The following PIGK variants were observed in gnomAD, a reference collection of about 807,000 sequenced individuals.
PIGK encodes the protein GPI-anchor transamidase.
In PIGK, 42 loss-of-function variants were observed where a neutral mutation model predicts 50.6. That is an observed-to-expected ratio of 0.83 (90% CI 0.65 to 1.07). The LOEUF (loss-of-function observed/expected upper bound fraction) is 1.07, where lower values mean the gene tolerates loss of function less well. Among genes scored for constraint, PIGK ranks in the 50% least tolerant of loss-of-function variants. The pLI is 0.00. For missense variants in PIGK, 448 were observed against 488.7 expected (o/e 0.92, Z 0.78); for synonymous variants, 151 against 156.0 (o/e 0.97, Z 0.24).
intron 10 of PIGK, among the ~76,000 whole-genome samples, chr1:77,099,654 C>A (rs1158333550): frequency 6.6e-6 from 1 of 152,058 alleles, no homozygotes; most frequent in Non-Finnish European, 1.5e-5. Flanking sequence ...CTATATGTAA[C>A]CTTTTAGACA....
intron 8 of PIGK, among the ~76,000 whole-genome samples, chr1:77,159,105 A>G (rs1655076049): frequency 1.3e-5 from 2 of 152,102 alleles, no homozygotes; most frequent in Non-Finnish European, 2.9e-5. Flanking sequence ...TGCACTGTGC[A>G]GTCTAGGGAC....
chr1:77,216,939 T>G (rs971298715), intron 1 of PIGK, among the ~76,000 whole-genome samples: 2 of 152,184 alleles, frequency 1.3e-5, no homozygotes, highest in Non-Finnish European at 2.9e-5. Flanking sequence ...CATTATAAAG[T>G]TATTCATTCT....
chr1:77,106,435 T>C (rs4949767), intron 10 of PIGK, among the ~76,000 whole-genome samples: 100,026 of 152,066 alleles, frequency 0.66, 33,521 homozygotes, highest in African/African-American at 0.8. Flanking sequence ...GTATTAAAAA[T>C]GATCATAAAC....
At chr1:77,172,070 A>ATTTTTTTTTTTTTTTTTTTT (rs34115617) in intron 3 of PIGK, among the ~76,000 whole-genome samples, 13 of 130,938 alleles carry the variant, frequency 9.9e-5, no homozygotes, top group Non-Finnish European at 9.6e-5. Flanking sequence ...TCTACATTTA[A>ATTTTTTTTTTTTTTTTTTTT]TTTTTTTTTT....
intron 3 of PIGK, among the ~76,000 whole-genome samples, chr1:77,193,194 C>T (rs1220808299): frequency 6.6e-6 from 1 of 151,500 alleles, no homozygotes; most frequent in Non-Finnish European, 1.5e-5. Context: ...TATAACATAA[C>T]ACAGTAAGAA....
intron 8 of PIGK, among the ~76,000 whole-genome samples, chr1:77,158,657 A>C (rs1477292511): frequency 6.6e-6 from 1 of 152,160 alleles, no homozygotes; most frequent in Non-Finnish European, 1.5e-5. Context: ...TAGCAAAGAG[A>C]CTGGCAGTAT....
chr1:77,147,272 G>A (rs1239825401), intron 9 of PIGK, among the ~76,000 whole-genome samples: 1 of 151,820 alleles, frequency 6.6e-6, no homozygotes, highest in East Asian at 1.9e-4. Flanking sequence ...ATCTCCCACC[G>A]GGTCCCTCCC....
Position 77,092,456 on chromosome 1 carries a change from C to A in PIGK, c.1106G>T (p.Gly369Val), listed in dbSNP as rs1392071582. The A allele has an allele frequency of 1.2e-6, 2 of 1,601,606 alleles. No homozygotes were observed. The highest frequency in any genetic ancestry group is 1.7e-6 in the Non-Finnish European group (2 of 1,173,062). ...PKLKDWHPPG[G>V]FILGLWALII... is the part of the protein sequence containing the mutation. ...AAGTGCCCATAATCCCAGAATAAAGCCCCCAGGAGGATGCCAGTCTTTCAG... is the reference window on the plus strand; with the variant it reads ...AAGTGCCCATAATCCCAGAATAAAGACCCCAGGAGGATGCCAGTCTTTCAG... Residue 369 changes from glycine to valine, a missense_variant, in exon 11 of 11, where the codon GGC (glycine) becomes GTC (valine). Gly to Val is a moderately radical substitution (Grantham distance 109). Coordinates refer to ENST00000370812, the MANE Select transcript of PIGK (RefSeq NM_005482.3).
chr1:77,113,876 T>G (rs1187338379), intron 10 of PIGK, among the ~76,000 whole-genome samples: 1 of 152,126 alleles, frequency 6.6e-6, no homozygotes, highest in African/African-American at 2.4e-5. Context: ...TCCCCTATCA[T>G]TTTTTGAACC....
At chr1:77,189,183 T>C (rs139212564) in intron 3 of PIGK, among the ~76,000 whole-genome samples, 1 of 152,382 alleles carries the variant, frequency 6.6e-6, no homozygotes, top group East Asian at 1.9e-4. Context: ...GATTGATGTG[T>C]TTCCAGTTGT....
chr1:77,128,099 T>C (rs1002795587), intron 9 of PIGK, among the ~76,000 whole-genome samples: 10 of 152,198 alleles, frequency 6.6e-5, no homozygotes, highest in African/African-American at 9.6e-5. Context: ...AAACAGATTA[T>C]ACAGCAATGA....
At chr1:77,127,855 T>A (rs961078455) in intron 9 of PIGK, among the ~76,000 whole-genome samples, 3 of 152,182 alleles carry the variant, frequency 2.0e-5, no homozygotes, top group Non-Finnish European at 4.4e-5. Context: ...TAATTTCTTC[T>A]TACAATCTTT....
At chr1:77,176,624 T>A (rs1184727947) in intron 3 of PIGK, among the ~76,000 whole-genome samples, 1 of 152,182 alleles carries the variant, frequency 6.6e-6, no homozygotes, top group African/African-American at 2.4e-5. Flanking sequence ...GAATATGGTG[T>A]CTTTTAGGAG....
rs539770331 is a variant in PIGK at position 77,207,082 on chromosome 1, G to A, written c.148-351C>T. On this transcript the variant is annotated intron_variant, in intron 2 of 10. Transcript: ENST00000370812. The stretch of plus-strand genomic sequence containing the variant: ...CTTGGGAGGCTGAGGCATGAGAATC[G>A]CTTAAACCTGGGAGGTGGAGGTTGC... 6.6e-5 allele frequency among the ~76,000 whole-genome samples: 10 copies of A among 152,202 alleles called. No homozygotes were observed. In the South Asian group the frequency reaches 1.0e-3, roughly 16 times the overall value.
chr1:77,153,639 AAAAG>A (rs1654942874), intron 9 of PIGK: 2 of 152,076 alleles, frequency 1.3e-5, no homozygotes, highest in South Asian at 4.1e-4. Context: ...CAATTAAAAA[AAAAG>A]AAACTGTTGT....
chr1:77,202,916 T>C (rs996685251), intron 3 of PIGK, among the ~76,000 whole-genome samples: 1 of 152,208 alleles, frequency 6.6e-6, no homozygotes, highest in Non-Finnish European at 1.5e-5. Context: ...CTCAATCTAA[T>C]ACTAAATGCA....
At chr1:77,219,015 A>G (rs1035269555) in intron 1 of PIGK, among the ~76,000 whole-genome samples, 2 of 152,164 alleles carry the variant, frequency 1.3e-5, no homozygotes, top group Non-Finnish European at 2.9e-5. Flanking sequence ...GTTGCTGCAC[A>G]CTGACATTTC....
At chr1:77,129,715 AAAT>A in intron 9 of PIGK, 1 of 284,318 alleles carries the variant, frequency 3.5e-6, no homozygotes, top group Non-Finnish European at 5.3e-6. Context: ...TAAAAAATAA[AAAT>A]AAATAAATAA....
chr1:77,098,327 G>A (rs1468998562), intron 10 of PIGK, among the ~76,000 whole-genome samples: 4 of 151,960 alleles, frequency 2.6e-5, no homozygotes, highest in Non-Finnish European at 5.9e-5. Context: ...ATAAAGAGAA[G>A]GTGGAGGAAA....
Sources: gnomAD v4.1 joint callset for allele counts (sites outside exome capture counted in the v4.1 genomes callset) on GRCh38, gnomAD v4.1.1 for gene constraint, MANE v1.5 for transcripts, NCBI Gene and HGNC (gene_info 2026-07-23, HGNC 2026-07-21) for gene names.